Variants in CARMIL1 observed in about 807,000 individuals in gnomAD.
CARMIL1 encodes the protein capping protein regulator and myosin 1 linker 1.
In CARMIL1, 90 loss-of-function variants were observed where a neutral mutation model predicts 177.1. That is an observed-to-expected ratio of 0.51 (90% confidence interval 0.43 to 0.61). The LOEUF (loss-of-function observed/expected upper bound fraction) is 0.61. Among genes scored for constraint, CARMIL1 ranks in the 20% least tolerant of loss-of-function variants. The probability of loss-of-function intolerance (pLI) is 0.00; values close to 1 mark genes in which losing one functional copy is unlikely to be tolerated. For synonymous variants in CARMIL1, 577 were observed against 606.2 expected, an observed-to-expected ratio of 0.95 and a Z score of 0.71; for missense variants, 1,380 against 1,667.0, an observed-to-expected ratio of 0.83 and a Z score of 3.00.
At position 25,508,218 on chromosome 6, in the gene CARMIL1, C is replaced by A. The variant is rs563598424; in HGVS notation, c.1396-1438C>A. Among the ~76,000 whole-genome samples, 3 of 152,240 alleles carry A rather than the reference C, an allele frequency of 2.0e-5. No homozygotes were observed. The South Asian group carries it at 6.2e-4, about 32-fold the overall frequency. On this transcript the variant is annotated intron_variant, in intron 17 of 36. Coordinates refer to ENST00000329474, the MANE Select transcript of CARMIL1 (RefSeq NM_017640.6). Reference sequence around the variant, plus strand: ...GTAAGCTGGAGAGCGCCTGAGAAAACAAGCAGGTGTAGTGAAATGGGCCTG... The same window carrying A: ...GTAAGCTGGAGAGCGCCTGAGAAAAAAAGCAGGTGTAGTGAAATGGGCCTG...
At chr6:25,479,121 G>T (rs778006937) in intron 11 of CARMIL1, 1 of 518,972 alleles carries the variant, frequency 1.9e-6, no homozygotes, top group Non-Finnish European at 3.8e-6. Context: ...CCACTACCAA[G>T]ATCAAGAGAC....
intron 2 of CARMIL1, among the ~76,000 whole-genome samples, chr6:25,415,487 C>A (rs1795280014): frequency 1.4e-5 from 2 of 143,728 alleles, no homozygotes; most frequent in Non-Finnish European, 3.0e-5. Flanking sequence ...CCCACTCCCC[C>A]ACTGGTAGTG....
At chr6:25,575,506 G>A (rs1040219228) in intron 29 of CARMIL1, among the ~76,000 whole-genome samples, 3 of 152,164 alleles carry the variant, frequency 2.0e-5, no homozygotes, top group Non-Finnish European at 4.4e-5. Context: ...ACCATCAGCT[G>A]TAACTCTTTT....
intron 2 of CARMIL1, among the ~76,000 whole-genome samples, chr6:25,349,065 T>C (rs1787838484): frequency 6.6e-6 from 1 of 152,232 alleles, no homozygotes; most frequent in African/African-American, 2.4e-5. Flanking sequence ...CCTTCCTTCC[T>C]TCATTCATTT....
intron 29 of CARMIL1, among the ~76,000 whole-genome samples, chr6:25,572,404 G>T (rs1183507031): frequency 6.6e-6 from 1 of 152,032 alleles, no homozygotes; most frequent in African/African-American, 2.4e-5. Context: ...GAAGGAGGTG[G>T]ACATCATAGC....
intron 26 of CARMIL1, among the ~76,000 whole-genome samples, chr6:25,550,168 T>C (rs1809941924): frequency 1.3e-5 from 2 of 152,150 alleles, no homozygotes; most frequent in South Asian, 4.2e-4. Flanking sequence ...AACCGTAAAA[T>C]GGTGATCACA....
chr6:25,550,835 C>A, intron 26 of CARMIL1, 75 bp from the exon 27 acceptor site: 2 of 1,371,824 alleles, frequency 1.5e-6, no homozygotes, highest in Non-Finnish European at 2.0e-6. Flanking sequence ...TCATATATAA[C>A]CACCTTTCAG....
At chr6:25,453,068 A>G (rs970187626) in intron 8 of CARMIL1, among the ~76,000 whole-genome samples, 5 of 152,214 alleles carry the variant, frequency 3.3e-5, no homozygotes, top group African/African-American at 4.8e-5. Flanking sequence ...TGAGTTATAC[A>G]TAGCTTTCAA....
chr6:25,372,404 ATTATC>A (rs142619979), intron 2 of CARMIL1, among the ~76,000 whole-genome samples: 7,915 of 152,018 alleles, frequency 0.052, 268 homozygotes, highest in Non-Finnish European at 0.088. Flanking sequence ...ATTTGTTTGT[ATTATC>A]TTTGATTTCC....
At chr6:25,332,742 T>TACACAC (rs35133749) in intron 2 of CARMIL1, among the ~76,000 whole-genome samples, 5,114 of 140,130 alleles carry the variant, frequency 0.036, 155 homozygotes, top group Middle Eastern at 0.092. Context: ...CAAACATGCA[T>TACACAC]ACACACACAC....
intron 32 of CARMIL1, 120 bp downstream of exon 32, chr6:25,594,647 C>A: frequency 1.6e-6 from 1 of 630,270 alleles, no homozygotes; most frequent in Middle Eastern, 4.1e-4. Flanking sequence ...ATTCTGACAG[C>A]TTGCAAAATA....
intron 24 of CARMIL1, among the ~76,000 whole-genome samples, chr6:25,536,719 C>T (rs904121245): frequency 3.3e-4 from 50 of 152,056 alleles, no homozygotes; most frequent in African/African-American, 2.4e-5. Context: ...CTGAAGTCTT[C>T]GGAATAGTGT....
chr6:25,487,471 AAAAC>A (rs1802778647), intron 12 of CARMIL1, among the ~76,000 whole-genome samples: 1 of 152,244 alleles, frequency 6.6e-6, no homozygotes, highest in South Asian at 2.1e-4. Flanking sequence ...AAAAATAAGA[AAAAC>A]AAAATAATTT....
At chr6:25,402,141 AAT>A (rs1194987679) in intron 2 of CARMIL1, among the ~76,000 whole-genome samples, 1 of 152,114 alleles carries the variant, frequency 6.6e-6, no homozygotes, top group Non-Finnish European at 1.5e-5. Context: ...TGGTTAAACT[AAT>A]ACCAGCCCTT....
rs149638836 is a variant in CARMIL1, at chr6:25,614,606, A to G, written c.3979+4425A>G. ...TTTTGTTAAGCATACCTAAGGTTGC[A>G]TAGACGTTTCTGGTTTCTGGAGCTT... On this transcript the variant is annotated intron_variant, in intron 36 of 36. Coordinates refer to ENST00000329474, the MANE Select transcript of CARMIL1 (RefSeq NM_017640.6). 1.4e-3 allele frequency among the ~76,000 whole-genome samples: 213 copies of G among 152,358 alleles called. 2 individuals are homozygous for G. The highest frequency in any genetic ancestry group is 4.7e-3 in the African/African-American group (197 of 41,582).
chr6:25,306,192 G>A (rs1413787361), intron 2 of CARMIL1, among the ~76,000 whole-genome samples: 6 of 152,008 alleles, frequency 3.9e-5, no homozygotes, highest in African/African-American at 9.7e-5. Context: ...TATAATACGT[G>A]GCCTTTTGTG....
chr6:25,290,050 T>TGA (rs2150140556), intron 2 of CARMIL1, among the ~76,000 whole-genome samples: 1 of 152,330 alleles, frequency 6.6e-6, no homozygotes, highest in African/African-American at 2.4e-5. Context: ...CAGCAATGTA[T>TGA]GAGTGGTCTA....
At chr6:25,538,830 C>T (rs1411656825) in intron 25 of CARMIL1, among the ~76,000 whole-genome samples, 2 of 152,110 alleles carry the variant, frequency 1.3e-5, no homozygotes, top group East Asian at 3.9e-4. Flanking sequence ...TCTGTCAGCC[C>T]ACCCCCTGGA....
At chr6:25,502,551 C>CAAAAA in intron 17 of CARMIL1, among the ~76,000 whole-genome samples, 1 of 142,320 alleles carries the variant, frequency 7.0e-6, no homozygotes, top group Non-Finnish European at 1.5e-5. Flanking sequence ...GACTCTATCT[C>CAAAAA]AAAAAAAAAA....
Sources: gnomAD v4.1 joint callset for allele counts (sites outside exome capture counted in the v4.1 genomes callset) on GRCh38, gnomAD v4.1.1 for gene constraint, MANE v1.5 for transcripts, NCBI Gene and HGNC (gene_info 2026-07-23, HGNC 2026-07-21) for gene names.